IFT88: variants seen among roughly 807,000 people sequenced by gnomAD.
The protein encoded by IFT88 is intraflagellar transport protein 88 homolog.
IFT88 carries 74 observed loss-of-function variants against 119.5 expected under a neutral mutation model. The ratio of observed to expected loss-of-function variants is 0.62; its 90% CI spans 0.51 to 0.75. IFT88 has a LOEUF of 0.75. IFT88 is among the 30% of genes least tolerant of loss of function. The pLI is 0.00. For missense variants in IFT88, 961 were observed against 977.7 expected (o/e 0.98, Z 0.23); for synonymous variants, 279 against 316.7 (o/e 0.88, Z 1.26).
chr13:20,599,985 G>A (rs1241142546), intron 11 of IFT88, among the ~76,000 whole-genome samples: 2 of 152,058 alleles, frequency 1.3e-5, no homozygotes, highest in East Asian at 3.9e-4. Flanking sequence ...GGGGAAGCTG[G>A]GATATTTTCT....
intron 23 of IFT88, among the ~76,000 whole-genome samples, chr13:20,670,770 A>G (rs1410813119): frequency 6.6e-6 from 1 of 151,844 alleles, no homozygotes; most frequent in South Asian, 2.1e-4. Flanking sequence ...AGTTTTCTCA[A>G]GAGCCTTAGA....
intron 20 of IFT88, among the ~76,000 whole-genome samples, chr13:20,646,296 CTTT>C (rs57699433): frequency 5.1e-5 from 7 of 137,246 alleles, no homozygotes; most frequent in Admixed American, 7.4e-5. Context: ...CCAATAAAAT[CTTT>C]TTTTTTTTTT....
intron 23 of IFT88, among the ~76,000 whole-genome samples, chr13:20,666,138 C>T (rs1490540314): frequency 6.6e-6 from 1 of 152,166 alleles, no homozygotes; most frequent in African/African-American, 2.4e-5. Flanking sequence ...GAACCCCGTA[C>T]TTTTTTCCTG....
intron 13 of IFT88, among the ~76,000 whole-genome samples, chr13:20,609,314 A>T (rs1594153860): frequency 6.6e-6 from 1 of 152,184 alleles, no homozygotes; most frequent in Admixed American, 6.5e-5. Flanking sequence ...ACATTATCTC[A>T]ATGTTTTGCA....
rs201443700 is a variant in IFT88, at chr13:20,592,910, C to T, written c.398+506C>T. ...AATCATCCCTAGTTGCCAGAACTAA[C>T]AAAATTAAGAATAGCCATATGTATT... On this transcript the variant is annotated intron_variant, in intron 7 of 25. Transcript: ENST00000351808. Among the ~76,000 whole-genome samples the T allele has an allele frequency of 1.6e-4, 24 of 150,960 alleles. No individual in the cohort carries two copies. In the East Asian group the frequency reaches 3.7e-3, roughly 23 times the overall value.
At chr13:20,688,853 A>G (rs932472844) in intron 24 of IFT88, among the ~76,000 whole-genome samples, 1 of 152,178 alleles carries the variant, frequency 6.6e-6, no homozygotes, top group Non-Finnish European at 1.5e-5. Flanking sequence ...CATCCCCACA[A>G]GCAGCTGGGA....
chr13:20,654,217 T>C (rs191063864), intron 21 of IFT88, among the ~76,000 whole-genome samples: 1 of 152,290 alleles, frequency 6.6e-6, no homozygotes, highest in African/African-American at 2.4e-5. Context: ...CAGAAAAAAA[T>C]AGGCATACTG....
chr13:20,597,614 G>T (rs1301670113), intron 9 of IFT88, among the ~76,000 whole-genome samples: 3 of 151,762 alleles, frequency 2.0e-5, no homozygotes, highest in Non-Finnish European at 2.9e-5. Flanking sequence ...TGTGGTGGCG[G>T]GCGCCTGTAG....
intron 14 of IFT88, among the ~76,000 whole-genome samples, chr13:20,618,290 C>T (rs985183873): frequency 2.0e-5 from 3 of 152,158 alleles, no homozygotes; most frequent in Admixed American, 6.6e-5. Flanking sequence ...GTTAAAAGTG[C>T]GGATAATCTG....
intron 20 of IFT88, among the ~76,000 whole-genome samples, chr13:20,648,713 TAAA>T (rs922645891): frequency 6.6e-6 from 1 of 152,096 alleles, no homozygotes; most frequent in Non-Finnish European, 1.5e-5. Flanking sequence ...ACTTTCCCAT[TAAA>T]AGAAAAACTT....
chr13:20,633,386 C>T (rs370532670), intron 16 of IFT88, among the ~76,000 whole-genome samples: 101 of 152,134 alleles, frequency 6.6e-4, no homozygotes, highest in Middle Eastern at 3.4e-3. Context: ...TGGCCTGCCT[C>T]CCAAAAAAGG....
chr13:20,690,515 C>T (rs936900130), intron 24 of IFT88, among the ~76,000 whole-genome samples, 190 bp from the exon 25 acceptor site: 1 of 152,142 alleles, frequency 6.6e-6, no homozygotes, highest in Non-Finnish European at 1.5e-5. Flanking sequence ...GATGTTTTAT[C>T]TATATTATAG....
intron 2 of IFT88, among the ~76,000 whole-genome samples, chr13:20,580,095 A>G (rs1352473614): frequency 5.3e-5 from 8 of 152,198 alleles, no homozygotes; most frequent in Admixed American, 4.6e-4. Context: ...TATGTTTGGA[A>G]TTGAACTAGT....
chr13:20,597,246 A>C, intron 9 of IFT88, 127 bp downstream of exon 9: 1 of 521,502 alleles, frequency 1.9e-6, no homozygotes, highest in Admixed American at 3.7e-5. Context: ...GATTAATAAT[A>C]ATCTTTAGTT....
At chr13:20,658,511 C>CA (rs1490475978) in intron 22 of IFT88, among the ~76,000 whole-genome samples, 2 of 152,298 alleles carry the variant, frequency 1.3e-5, no homozygotes, top group Non-Finnish European at 2.9e-5. Flanking sequence ...TAATCTCAGT[C>CA]ACATTAGAGA....
At chr13:20,647,325 T>A (rs1388708348) in intron 20 of IFT88, among the ~76,000 whole-genome samples, 2 of 152,206 alleles carry the variant, frequency 1.3e-5, no homozygotes, top group African/African-American at 4.8e-5. Context: ...CTTTGATTTG[T>A]TCTGTAAGTT....
At chr13:20,687,077 AAAAT>A (rs1439380683) in intron 24 of IFT88, among the ~76,000 whole-genome samples, 1 of 151,696 alleles carries the variant, frequency 6.6e-6, no homozygotes, top group Non-Finnish European at 1.5e-5. Context: ...ACGTCACTCT[AAAAT>A]GTTACAAATA....
Position 20,615,790 on chromosome 13 carries a change from T to A in IFT88, c.1113-3T>A. The A allele has an allele frequency of 6.4e-7, 1 of 1,571,190 alleles. No individual in the cohort carries two copies. Among genetic ancestry groups the A allele is most frequent in the Non-Finnish European group, 8.7e-7 (1 of 1,154,322 alleles). The stretch of plus-strand genomic sequence containing the variant: ...ATACAACTTTTTGGTTTATTTGATA[T>A]AGGAAAGCCATGGCAGAAAAATATA... On this transcript the variant is annotated splice_polypyrimidine_tract_variant and splice_region_variant and intron_variant, in intron 13 of 25. Coordinates refer to ENST00000351808, the MANE Select transcript of IFT88 (RefSeq NM_006531.5).
chr13:20,645,087 T>A (rs1740010592), intron 20 of IFT88, 129 bp downstream of exon 20: 5 of 518,716 alleles, frequency 9.6e-6, no homozygotes, highest in South Asian at 9.0e-5. Flanking sequence ...AAATTATTTT[T>A]GTTTGTTTGT....
Sources: gnomAD v4.1 joint callset for allele counts (sites outside exome capture counted in the v4.1 genomes callset) on GRCh38, gnomAD v4.1.1 for gene constraint, MANE v1.5 for transcripts, NCBI Gene and HGNC (gene_info 2026-07-23, HGNC 2026-07-21) for gene names.